Variants in MYO10 observed in about 807,000 individuals in gnomAD.
MYO10 encodes the protein unconventional myosin-X.
MYO10 carries 133 observed loss-of-function variants against 257.3 expected under a neutral mutation model. That is an observed-to-expected ratio of 0.52 (90% CI 0.45 to 0.60). MYO10 has a LOEUF of 0.60. Ranked by LOEUF, MYO10 falls within the 20% of genes least tolerant of loss-of-function variation. The pLI, the probability that MYO10 is intolerant of heterozygous loss-of-function variation, is 0.00. For missense variants in MYO10, 2,399 were observed against 2,635.7 expected, an observed-to-expected ratio of 0.91 and a Z score of 1.97; for synonymous variants, 1,104 against 1,028.6, an observed-to-expected ratio of 1.07 and a Z score of -1.40.
intron 19 of MYO10, among the ~76,000 whole-genome samples, chr5:16,725,014 T>G (rs1739299554): frequency 6.6e-6 from 1 of 151,788 alleles, no homozygotes; most frequent in African/African-American, 2.4e-5. Flanking sequence ...TTTGCTTCTC[T>G]TACCTAACAG....
At chr5:16,841,240 C>T (rs935899952) in intron 2 of MYO10, among the ~76,000 whole-genome samples, 8 of 151,900 alleles carry the variant, frequency 5.3e-5, no homozygotes, top group African/African-American at 1.9e-4. Flanking sequence ...AAACAATGCA[C>T]ATTTTCAAAT....
chr5:16,702,857 A>C (rs1434134876), intron 23 of MYO10, 68 bp downstream of exon 23: 16 of 1,386,150 alleles, frequency 1.2e-5, no homozygotes, highest in Non-Finnish European at 1.6e-5. Flanking sequence ...CTGGCTGCAC[A>C]GACAGATACC....
At chr5:16,746,523 T>C (rs1740202886) in intron 19 of MYO10, among the ~76,000 whole-genome samples, 1 of 152,246 alleles carries the variant, frequency 6.6e-6, no homozygotes, top group South Asian at 2.1e-4. Context: ...AATTTCATCA[T>C]AATTTTTGTA....
At chr5:16,875,528 C>G (rs1335561104) in intron 2 of MYO10, among the ~76,000 whole-genome samples, 1 of 152,132 alleles carries the variant, frequency 6.6e-6, no homozygotes, top group Non-Finnish European at 1.5e-5. Flanking sequence ...TGTCAGTGAC[C>G]ATTAGACATG....
At chr5:16,879,807 G>C (rs1055188845) in intron 1 of MYO10, among the ~76,000 whole-genome samples, 1 of 152,174 alleles carries the variant, frequency 6.6e-6, no homozygotes, top group Non-Finnish European at 1.5e-5. Flanking sequence ...TCCTAGGAAG[G>C]AACATTTAAG....
chr5:16,909,113 G>A (rs953017094), intron 1 of MYO10, among the ~76,000 whole-genome samples: 2 of 152,154 alleles, frequency 1.3e-5, no homozygotes, highest in African/African-American at 4.8e-5. Context: ...CCACATGGGT[G>A]GAGAGGCCTC....
chr5:16,680,127 C>G, intron 32 of MYO10, 23 bp from the exon 33 acceptor site: 1 of 1,598,696 alleles, frequency 6.3e-7, no homozygotes, highest in Non-Finnish European at 8.6e-7. Flanking sequence ...GGGTGCCCAG[C>G]ACACGCACGT....
At chr5:16,799,510 T>G (rs1580004081) in intron 3 of MYO10, among the ~76,000 whole-genome samples, 2 of 141,726 alleles carry the variant, frequency 1.4e-5, no homozygotes, top group East Asian at 4.1e-4. Context: ...TTTTTTTTTT[T>G]GAGACTGAGT....
chr5:16,672,418 T>C (rs2126467982), intron 37 of MYO10, among the ~76,000 whole-genome samples: 1 of 135,074 alleles, frequency 7.4e-6, no homozygotes, highest in South Asian at 2.6e-4. Context: ...ACCTAAAAAA[T>C]CAAGAAATAC....
At chr5:16,758,268 C>A in intron 17 of MYO10, 42 bp from the exon 18 acceptor site, 6 of 1,332,718 alleles carry the variant, frequency 4.5e-6, no homozygotes, top group Non-Finnish European at 6.5e-6. Context: ...GCACACACAC[C>A]CATTATTAGG....
intron 17 of MYO10, among the ~76,000 whole-genome samples, chr5:16,759,414 C>T (rs970675489): frequency 1.2e-4 from 18 of 152,122 alleles, no homozygotes; most frequent in African/African-American, 4.3e-4. Flanking sequence ...TTTTTGTTCT[C>T]GGGTGCTCTT....
intron 19 of MYO10, chr5:16,738,236 C>T: frequency 2.0e-6 from 2 of 985,198 alleles, no homozygotes; most frequent in Non-Finnish European, 2.4e-6. Context: ...CCAGAGGAAC[C>T]AGTCAAGAGG....
At chr5:16,908,196 A>G (rs1311584278) in intron 1 of MYO10, among the ~76,000 whole-genome samples, 1 of 151,922 alleles carries the variant, frequency 6.6e-6, no homozygotes, top group East Asian at 1.9e-4. Context: ...GTGCCACTGC[A>G]CTCCATCCAG....
chr5:16,902,566 A>G (rs1355313681), intron 1 of MYO10: 9 of 1,575,548 alleles, frequency 5.7e-6, no homozygotes, highest in Non-Finnish European at 7.8e-6. Context: ...CATCGGGCAC[A>G]GTTAGTGCAG....
At chr5:16,740,951 G>A (rs1350393904) in intron 19 of MYO10, among the ~76,000 whole-genome samples, 4 of 151,010 alleles carry the variant, frequency 2.6e-5, no homozygotes, top group East Asian at 3.9e-4. Context: ...TTATCTACGC[G>A]ACGAAAGCAG....
intron 4 of MYO10, among the ~76,000 whole-genome samples, chr5:16,788,110 T>C (rs1046423636): frequency 2.3e-4 from 35 of 152,106 alleles, no homozygotes; most frequent in African/African-American, 8.4e-4. Context: ...TTCTGACTGT[T>C]GCGTGGAGAA....
intron 1 of MYO10, among the ~76,000 whole-genome samples, chr5:16,929,044 C>A (rs1450814366): frequency 6.6e-6 from 1 of 151,554 alleles, no homozygotes; most frequent in Non-Finnish European, 1.5e-5. Context: ...GCTCCGCCTC[C>A]TGGGTTCACG....
chr5:16,717,977 C>A (rs1738949261), intron 19 of MYO10, among the ~76,000 whole-genome samples: 1 of 152,238 alleles, frequency 6.6e-6, no homozygotes. Flanking sequence ...GGAACCGGGG[C>A]TGCGTGCAGC....
chr5:16,909,872 T>C (rs904989608), intron 1 of MYO10, among the ~76,000 whole-genome samples: 9 of 152,064 alleles, frequency 5.9e-5, no homozygotes, highest in African/African-American at 1.7e-4. Context: ...GAACTGGTTG[T>C]TGAAAAGAGC....
Sources: allele counts gnomAD v4.1 joint callset (sites outside exome capture counted in the v4.1 genomes callset), GRCh38; gene constraint gnomAD v4.1.1; transcripts MANE v1.5; gene names NCBI Gene and HGNC (gene_info 2026-07-23, HGNC 2026-07-21).